Variants in FRMPD4 observed in about 807,000 individuals in gnomAD.
FRMPD4 encodes the protein FERM and PDZ domain-containing protein 4.
FRMPD4 carries 22 observed loss-of-function variants against 94.1 expected under a neutral mutation model. The observed-to-expected ratio is 0.23, with a 90% CI of 0.17 to 0.33. FRMPD4 has a LOEUF of 0.33. Ranked by LOEUF, FRMPD4 falls within the 10% of genes least tolerant of loss-of-function variation. The pLI, the probability that FRMPD4 is intolerant of heterozygous loss-of-function variation, is 1.00. For missense variants in FRMPD4, 1,111 were observed against 1,339.9 expected, an observed-to-expected ratio of 0.83 and a Z score of 2.67; for synonymous variants, 631 against 548.6, an observed-to-expected ratio of 1.15 and a Z score of -2.10.
At chrX:12,585,429 C>T (rs753604172) in intron 2 of FRMPD4, among the ~76,000 whole-genome samples, 180 of 110,885 alleles carry the variant, frequency 1.6e-3, no homozygotes, top group African/African-American at 5.3e-3. Context: ...CCATGTTGGC[C>T]AGGCTGGTCT....
intron 2 of FRMPD4, among the ~76,000 whole-genome samples, chrX:12,545,619 G>T (rs771112802): frequency 5.3e-5 from 6 of 112,819 alleles, no homozygotes; most frequent in Non-Finnish European, 1.1e-4. Flanking sequence ...TGCCAGGCTG[G>T]GGGGATGGGC....
Position 12,331,710 on chromosome X carries a change from TATA to T in FRMPD4, c.42-166967_42-166965del, listed in dbSNP as rs1185672158. On this transcript the variant is annotated intron_variant, in intron 1 of 16. Coordinates refer to ENST00000675598, the MANE Select transcript of FRMPD4 (RefSeq NM_001368397.1). ...TTATATAATATATAAATATATAATA[TATA>T]ATTTATATATAGTATATAAATATAT... 3.4e-4 allele frequency among the ~76,000 whole-genome samples: 23 copies of T among 67,559 alleles called. 5 individuals are homozygous for T. The highest frequency in any genetic ancestry group is 1.7e-3 in the African/African-American group (23 of 13,815). 58.7% of individuals were successfully genotyped at this position (67,559 alleles called of 115,157 possible). A position where few individuals can be genotyped will look rare whatever the true frequency, so the allele number is the denominator to read the frequency against.
intron 3 of FRMPD4, among the ~76,000 whole-genome samples, chrX:12,040,553 CTTTT>C (rs760980082): frequency 1.7e-5 from 1 of 58,905 alleles, no homozygotes; most frequent in Non-Finnish European, 3.0e-5. Flanking sequence ...TTATGTCTGC[CTTTT>C]TTTTTTTTTT....
intron 1 of FRMPD4, among the ~76,000 whole-genome samples, chrX:12,421,268 A>G (rs1412956441): frequency 4.5e-5 from 5 of 112,313 alleles, no homozygotes; most frequent in Non-Finnish European, 9.4e-5. Context: ...CTTTACTTAT[A>G]AAAACCCTAA....
chrX:12,110,908 A>G (rs1234757650), intron 3 of FRMPD4, among the ~76,000 whole-genome samples: 3 of 111,583 alleles, frequency 2.7e-5, no homozygotes, highest in African/African-American at 3.3e-5. Flanking sequence ...CCACTGCTCA[A>G]TGAAATAAAA....
chrX:12,552,213 T>C (rs1373480877), intron 2 of FRMPD4, among the ~76,000 whole-genome samples: 2 of 112,064 alleles, frequency 1.8e-5, no homozygotes, highest in African/African-American at 6.5e-5. Context: ...ATCTGGGAGC[T>C]AGCAGTATTT....
intron 9 of FRMPD4, among the ~76,000 whole-genome samples, 173 bp downstream of exon 9, chrX:12,694,627 T>A (rs1410502095): frequency 8.9e-6 from 1 of 112,350 alleles, no homozygotes; most frequent in Non-Finnish European, 1.9e-5. Context: ...GATTTTGAAA[T>A]AACATCATAC....
At chrX:12,221,290 C>T (rs1176474397) in intron 1 of FRMPD4, among the ~76,000 whole-genome samples, 1 of 112,065 alleles carries the variant, frequency 8.9e-6, no homozygotes, top group Non-Finnish European at 1.9e-5. Context: ...CAACAACCAC[C>T]ACCACTACCA....
chrX:12,217,945 T>C (rs1223002678), intron 1 of FRMPD4, among the ~76,000 whole-genome samples: 1 of 112,018 alleles, frequency 8.9e-6, no homozygotes, highest in East Asian at 2.8e-4. Flanking sequence ...AATCACATGG[T>C]GAATTTTAGT....
At position 12,699,056 on chromosome X, in the gene FRMPD4, A is replaced by C. The variant is rs761974367; in HGVS notation, c.934-2818A>C. ...AAATCCTCTTTCAATCCATTATGGC[A>C]TAGCAGTTGCTGAAGAAAATGATTT... On this transcript the variant is annotated intron_variant, in intron 9 of 16. Coordinates refer to ENST00000675598, the MANE Select transcript of FRMPD4 (RefSeq NM_001368397.1). Among the ~76,000 whole-genome samples the C allele has an allele frequency of 8.0e-5, 9 of 112,230 alleles. No individual in the cohort carries two copies. The East Asian group carries it at 2.2e-3, about 28-fold the overall frequency.
intron 3 of FRMPD4, among the ~76,000 whole-genome samples, chrX:12,130,044 C>A (rs1412458970): frequency 1.9e-5 from 2 of 107,535 alleles, no homozygotes; most frequent in Non-Finnish European, 3.8e-5. Flanking sequence ...ATGCATTCAG[C>A]TGCAAGTAAC....
At chrX:12,410,860 T>C (rs1601911305) in intron 1 of FRMPD4, among the ~76,000 whole-genome samples, 1 of 112,001 alleles carries the variant, frequency 8.9e-6, no homozygotes. Context: ...CTGTCCTCAT[T>C]GTCTCTTCTA....
intron 1 of FRMPD4, among the ~76,000 whole-genome samples, chrX:12,335,913 A>G (rs767138733): frequency 1.8e-5 from 2 of 112,162 alleles, no homozygotes; most frequent in South Asian, 3.7e-4. Context: ...CACCTTACTT[A>G]TGACTCTAAT....
chrX:12,226,674 G>GC (rs2056926530), intron 1 of FRMPD4, among the ~76,000 whole-genome samples: 1 of 111,083 alleles, frequency 9.0e-6, no homozygotes. Context: ...AATTTCTTGA[G>GC]CCCCCATTTC....
At chrX:12,434,435 G>C (rs764780535) in intron 1 of FRMPD4, among the ~76,000 whole-genome samples, 3 of 112,052 alleles carry the variant, frequency 2.7e-5, no homozygotes, top group African/African-American at 9.7e-5. Context: ...TCCTCACTCT[G>C]TTTTCAAGAT....
At chrX:12,280,511 A>G (rs997435404) in intron 1 of FRMPD4, among the ~76,000 whole-genome samples, 6 of 110,398 alleles carry the variant, frequency 5.4e-5, no homozygotes, top group Admixed American at 4.8e-4. Context: ...GTAAACACTC[A>G]TGGCCTACTA....
chrX:12,475,995 C>T (rs766832604), intron 1 of FRMPD4, among the ~76,000 whole-genome samples: 69 of 111,649 alleles, frequency 6.2e-4, no homozygotes, highest in African/African-American at 1.4e-3. Context: ...AAAAAGAGCC[C>T]GCATTGCCAA....
intron 3 of FRMPD4, among the ~76,000 whole-genome samples, chrX:11,923,449 G>A (rs970574758): frequency 1.8e-5 from 2 of 111,601 alleles, no homozygotes; most frequent in Non-Finnish European, 3.8e-5. Context: ...TCTCCAACAG[G>A]GCCCCCTTAC....
intron 1 of FRMPD4, among the ~76,000 whole-genome samples, chrX:12,365,355 C>A (rs747172921): frequency 3.0e-4 from 33 of 111,523 alleles, no homozygotes; most frequent in Non-Finnish European, 6.0e-4. Flanking sequence ...TGGGTAATTC[C>A]TGCTAGAGGG....
Sources: allele counts gnomAD v4.1 joint callset (sites outside exome capture counted in the v4.1 genomes callset), GRCh38; gene constraint gnomAD v4.1.1; transcripts MANE v1.5; gene names NCBI Gene and HGNC (gene_info 2026-07-23, HGNC 2026-07-21).